Variants in NNMT observed in about 807,000 individuals in gnomAD.
NNMT encodes nicotinamide N-methyltransferase.
Under a neutral mutation model 11.7 loss-of-function variants are expected in NNMT, and 10 were observed. The ratio of observed to expected loss-of-function variants is 0.85; its 90% CI spans 0.53 to 1.45. NNMT has a LOEUF of 1.45. Among genes scored for constraint, NNMT ranks in the 40% most tolerant of loss-of-function variants. The pLI, the probability that NNMT is intolerant of heterozygous loss-of-function variation, is 0.00. For synonymous variants in NNMT, 143 were observed against 133.8 expected, an observed-to-expected ratio of 1.07 and a Z score of -0.48; for missense variants, 381 against 319.4, an observed-to-expected ratio of 1.19 and a Z score of -1.47.
At chr11:114,309,767 G>A (rs1591840712) in intron 2 of NNMT, among the ~76,000 whole-genome samples, 1 of 152,132 alleles carries the variant, frequency 6.6e-6, no homozygotes, top group Non-Finnish European at 1.5e-5. Context: ...GTACCCATTA[G>A]CAGCCACTCC....
intron 2 of NNMT, among the ~76,000 whole-genome samples, chr11:114,272,121 G>A (rs758054943): frequency 6.6e-6 from 1 of 152,100 alleles, no homozygotes; most frequent in Non-Finnish European, 1.5e-5. Context: ...GTCAAGAAAG[G>A]CCCGGGGGAT....
At chr11:114,260,118 C>T (rs1044506936) in intron 1 of NNMT, among the ~76,000 whole-genome samples, 3 of 152,202 alleles carry the variant, frequency 2.0e-5, no homozygotes, top group South Asian at 2.1e-4. Flanking sequence ...TCACAGCACA[C>T]TCAGAATGCT....
At chr11:114,309,893 G>A (rs1436189992) in intron 2 of NNMT, among the ~76,000 whole-genome samples, 1 of 152,062 alleles carries the variant, frequency 6.6e-6, no homozygotes, top group African/African-American at 2.4e-5. Context: ...TGGCCTTTTG[G>A]TTCTGGCTTT....
At chr11:114,297,303 G>A (rs1945390678) in intron 1 of NNMT, 1 of 151,464 alleles carries the variant, frequency 6.6e-6, no homozygotes. Flanking sequence ...CTGGATTGGG[G>A]AATAAAAAAT....
intron 2 of NNMT, among the ~76,000 whole-genome samples, chr11:114,267,559 A>G (rs922202330): frequency 1.3e-5 from 2 of 152,212 alleles, no homozygotes; most frequent in Non-Finnish European, 2.9e-5. Context: ...TGAATTACAT[A>G]TATTTCTAAT....
intron 2 of NNMT, among the ~76,000 whole-genome samples, chr11:114,308,886 C>G (rs142717285): frequency 1.1e-4 from 16 of 152,300 alleles, no homozygotes; most frequent in Non-Finnish European, 2.1e-4. Flanking sequence ...AAATTTCCCT[C>G]TCAAATTGGC....
rs538129553 is a variant in NNMT at position 114,304,957 on chromosome 11, T to C, written c.362+6799T>C. ...AGCTTATACAATGAACAGAGGAAAA[T>C]GAGCTCTTTCCTTAAGAAATTGTAG... On this transcript the variant is annotated intron_variant, in intron 2 of 2. Transcript: ENST00000299964. 6.0e-4 allele frequency among the ~76,000 whole-genome samples: 91 copies of C among 152,274 alleles called. 2 individuals are homozygous for C. The South Asian group carries it at 0.018, about 30-fold the overall frequency.
chr11:114,267,538 A>G (rs970817127), intron 2 of NNMT, among the ~76,000 whole-genome samples: 1 of 152,158 alleles, frequency 6.6e-6, no homozygotes, highest in Non-Finnish European at 1.5e-5. Flanking sequence ...AAAATATTTT[A>G]ATATTTTTAA....
At chr11:114,259,909 G>A (rs565271327) in intron 1 of NNMT, among the ~76,000 whole-genome samples, 89 of 152,282 alleles carry the variant, frequency 5.8e-4, no homozygotes, top group African/African-American at 1.7e-3. Flanking sequence ...TCCCAGGGAG[G>A]CAGGGTGGAG....
intron 2 of NNMT, among the ~76,000 whole-genome samples, chr11:114,290,596 T>G (rs1407036210): frequency 6.6e-6 from 1 of 152,194 alleles, no homozygotes; most frequent in African/African-American, 2.4e-5. Flanking sequence ...TTTCTTATTT[T>G]TAACCACACA....
At chr11:114,275,235 G>A (rs1295059623) in intron 2 of NNMT, among the ~76,000 whole-genome samples, 1 of 152,134 alleles carries the variant, frequency 6.6e-6, no homozygotes, top group Non-Finnish European at 1.5e-5. Flanking sequence ...CCTATACTAG[G>A]TATTTAAGAA....
At chr11:114,258,346 C>G (rs1565716110) in intron 1 of NNMT, among the ~76,000 whole-genome samples, 1 of 152,246 alleles carries the variant, frequency 6.6e-6, no homozygotes, top group East Asian at 1.9e-4. Flanking sequence ...CTCTGAGGAA[C>G]TCCTCTCCTG....
At chr11:114,271,410 A>G (rs917217570) in intron 2 of NNMT, among the ~76,000 whole-genome samples, 1 of 152,144 alleles carries the variant, frequency 6.6e-6, no homozygotes, top group African/African-American at 2.4e-5. Flanking sequence ...GGAGCCTCTA[A>G]ATGACTGAGA....
chr11:114,272,109 C>T lies in NNMT; in HGVS notation c.-130+9175C>T, dbSNP rs143389288. 2.7e-3 allele frequency among the ~76,000 whole-genome samples: 412 copies of T among 152,292 alleles called. 1 individual carries two copies. The highest frequency in any genetic ancestry group is 7.0e-3 in the African/African-American group (292 of 41,568). ...CGGGGATGGTTACTGAGTCTGAACT[C>T]TGTCAAGAAAGGCCCGGGGGATCAG... is the stretch of plus-strand genomic sequence containing the variant. On this transcript the variant is annotated intron_variant, in intron 2 of 4. Transcript: ENST00000535401.
At chr11:114,286,815 G>A (rs1003622551) in intron 2 of NNMT, among the ~76,000 whole-genome samples, 7 of 152,288 alleles carry the variant, frequency 4.6e-5, no homozygotes, top group South Asian at 2.1e-4. Flanking sequence ...CATAGGGTAC[G>A]CAGCAACTCA....
intron 2 of NNMT, among the ~76,000 whole-genome samples, chr11:114,286,190 T>C (rs1945297930): frequency 6.6e-6 from 1 of 152,172 alleles, no homozygotes; most frequent in Non-Finnish European, 1.5e-5. Flanking sequence ...GGAAGACCAA[T>C]ATTATCAAGT....
intron 2 of NNMT, among the ~76,000 whole-genome samples, chr11:114,270,080 T>C (rs1199837620): frequency 6.6e-6 from 1 of 152,182 alleles, no homozygotes; most frequent in Non-Finnish European, 1.5e-5. Context: ...TTTGTTTTTG[T>C]AATGAATATT....
rs750805211 is a variant in NNMT at position 114,312,379 on chromosome 11, G to A, written c.697G>A (p.Glu233Lys). Residue 233 changes from glutamate to lysine, a missense_variant, in exon 3 of 3, where the codon GAA (glutamate) becomes AAA (lysine). Transcript: ENST00000299964. ...AAVKEAGYTIEWFEVISQSYS... is the reference protein window; with the variant it reads ...AAVKEAGYTIKWFEVISQSYS... ...TGTGAAAGAGGCTGGCTACACAATC[G>A]AATGGTTTGAGGTGATCTCGCAAAG... The A allele has an allele frequency of 9.9e-6, 16 of 1,614,230 alleles. No homozygotes were observed. The highest frequency in any genetic ancestry group is 3.3e-5 in the Admixed American group (2 of 60,034).
At position 114,271,456 on chromosome 11, in the gene NNMT, AG is replaced by A. The variant is rs548743286; in HGVS notation, c.-130+8523del. On this transcript the variant is annotated intron_variant, in intron 2 of 4. Transcript: ENST00000535401. ...ACTACCTATTTGAATGAGGACTTGA[AG>A]AAGAAATTCAGTGCAGTTATAGAGC... 4.9e-4 allele frequency among the ~76,000 whole-genome samples: 74 copies of A among 152,340 alleles called. No homozygotes were observed. In the South Asian group the frequency reaches 0.015, roughly 31 times the overall value.
Sources: allele counts gnomAD v4.1 joint callset (sites outside exome capture counted in the v4.1 genomes callset), GRCh38; gene constraint gnomAD v4.1.1; transcripts MANE v1.5; gene names NCBI Gene and HGNC (gene_info 2026-07-23, HGNC 2026-07-21).